Variants in MGA observed in about 807,000 individuals in gnomAD.
MGA encodes the protein MAX gene-associated protein.
Under a neutral mutation model 261.1 loss-of-function variants are expected in MGA, and 40 were observed. That is an observed-to-expected ratio of 0.15 (90% CI 0.12 to 0.20). The LOEUF (loss-of-function observed/expected upper bound fraction) is 0.20, where lower values mean the gene tolerates loss of function less well. MGA is among the 10% of genes least tolerant of loss of function. The pLI, the probability that MGA is intolerant of heterozygous loss-of-function variation, is 1.00. For synonymous variants in MGA, 1,302 were observed against 1,290.6 expected, an observed-to-expected ratio of 1.01 and a Z score of -0.19; for missense variants, 3,397 against 3,630.5, an observed-to-expected ratio of 0.94 and a Z score of 1.65.
At chr15:41,657,570 G>A (rs1183131177), upstream of MGA, among the ~76,000 whole-genome samples, 1 of 151,450 alleles carries the variant, frequency 6.6e-6, no homozygotes, top group Admixed American at 6.6e-5. Flanking sequence ...TGGCCAGACT[G>A]GTCTTGAACC....
Position 41,675,720 on chromosome 15 carries a change from C to T in MGA, c.1064+5762C>T, listed in dbSNP as rs141538564. 4.8e-3 allele frequency among the ~76,000 whole-genome samples: 729 copies of T among 152,192 alleles called. 7 individuals carry two copies. Among genetic ancestry groups the T allele is most frequent in the African/African-American group, 0.017 (706 of 41,508 alleles). On this transcript the variant is annotated intron_variant, in intron 2 of 23. Coordinates refer to ENST00000219905, the MANE Select transcript of MGA (RefSeq NM_001164273.2). ...CCATTAATGGATGACTGCTTATTTC[C>T]TGTAAGTAGAAATTCATCTTTGCCA...
chr15:41,710,698 T>C lies in MGA; in HGVS notation c.2433T>C (p.Asn811=). 1.9e-6 allele frequency: 3 copies of C among 1,596,832 alleles called. No homozygotes were observed. Among genetic ancestry groups the C allele is most frequent in the Non-Finnish European group, 2.6e-6 (3 of 1,173,202 alleles). The change falls in exon 8 of 24, where the codon AAT becomes AAC. Residue 811 remains asparagine, a synonymous_variant. Transcript: ENST00000219905. Reference sequence around the variant, plus strand: ...ATGTTTTCTTATTTCTAGGTGGAAATTCAGAAAGTTCACTGAAAAATCGTT... The same window carrying C: ...ATGTTTTCTTATTTCTAGGTGGAAACTCAGAAAGTTCACTGAAAAATCGTT...
intron 22 of MGA, among the ~76,000 whole-genome samples, chr15:41,763,920 G>T (rs1169437852): frequency 6.6e-6 from 1 of 152,128 alleles, no homozygotes; most frequent in Non-Finnish European, 1.5e-5. Context: ...CCCTTAGGGA[G>T]GCAGAGGCAG....
chr15:41,765,161 G>C, intron 23 of MGA, 99 bp downstream of exon 23: 1 of 1,354,746 alleles, frequency 7.4e-7, no homozygotes, highest in East Asian at 2.3e-5. Context: ...TAATGATAAA[G>C]AGCTATTCTG....
upstream of MGA, among the ~76,000 whole-genome samples, chr15:41,656,522 T>G (rs147171427): frequency 6.6e-6 from 1 of 151,512 alleles, no homozygotes; most frequent in Non-Finnish European, 1.5e-5. Context: ...TTTTTATTTT[T>G]ATTTTTATTT....
chr15:41,666,539 A>T (rs1334437308), intron 1 of MGA, among the ~76,000 whole-genome samples: 1 of 152,194 alleles, frequency 6.6e-6, no homozygotes, highest in Non-Finnish European at 1.5e-5. Context: ...TATGCAGTAG[A>T]CTCATGTAAA....
rs780475295 is a variant in MGA at position 41,743,167 on chromosome 15, G to A, written c.5207G>A (p.Arg1736Lys). The A allele has an allele frequency of 6.2e-7, 1 of 1,606,890 alleles. No individual in the cohort carries two copies. The highest frequency in any genetic ancestry group is 1.7e-5 in the Admixed American group (1 of 58,788). Residue 1736 changes from arginine (R) to lysine (K), a missense_variant, in exon 15 of 24, where the codon AGA (arginine) becomes AAA (lysine). Arg to Lys is a conservative substitution (Grantham distance 26). This residue lies in a region of MGA where 1,410 missense variants were observed against 1,386.4 expected (regional missense o/e 1.02). Transcript: ENST00000219905. ...AATGGGAGTCCACCAGTGAGCCAGA[G>A]ACCAGGTAAGGCCTAGATGTTACTA...
At chr15:41,635,086 C>T (rs755719779) in intron 1 of MGA, among the ~76,000 whole-genome samples, 3 of 151,896 alleles carry the variant, frequency 2.0e-5, no homozygotes, top group Non-Finnish European at 4.4e-5. Flanking sequence ...GTAATCCCAG[C>T]ACCTAGGGAG....
chr15:41,637,338 A>G (rs564428886), intron 1 of MGA, among the ~76,000 whole-genome samples: 5 of 152,302 alleles, frequency 3.3e-5, no homozygotes, highest in Middle Eastern at 3.4e-3. Flanking sequence ...GAATGTTGGA[A>G]GTTATTGATT....
At chr15:41,675,497 C>T (rs967081513) in intron 2 of MGA, among the ~76,000 whole-genome samples, 1 of 151,964 alleles carries the variant, frequency 6.6e-6, no homozygotes, top group South Asian at 2.1e-4. Context: ...TCTCAGCCTC[C>T]CTAGTAGCTG....
intron 2 of MGA, among the ~76,000 whole-genome samples, chr15:41,685,502 A>G (rs1226436233): frequency 1.3e-5 from 2 of 152,152 alleles, no homozygotes; most frequent in Non-Finnish European, 2.9e-5. Flanking sequence ...ACCCGCTGGA[A>G]TTGCCTTGAA....
Position 41,713,223 on chromosome 15 carries a change from C to G in MGA, c.3157C>G (p.Arg1053Gly). ...CCCTCCCTGCAACAATGACTTCTGTCGACTGGGTTGTGTATGTTCCAGTCT... is the reference window on the plus strand; with the variant it reads ...CCCTCCCTGCAACAATGACTTCTGTGGACTGGGTTGTGTATGTTCCAGTCT... The change falls in exon 9 of 24, where the codon CGA (arginine) becomes GGA (glycine). Residue 1053 changes from arginine to glycine, a missense_variant. By Grantham distance (125) the Arg-to-Gly change is moderately radical (BLOSUM62 -2). Coordinates refer to ENST00000219905, the MANE Select transcript of MGA (RefSeq NM_001164273.2). 6.2e-7 allele frequency: 1 copy of G among 1,614,002 alleles called. No individual in the cohort carries two copies. The highest frequency in any genetic ancestry group is 8.5e-7 in the Non-Finnish European group (1 of 1,179,898).
chr15:41,765,098 A>G lies in MGA; in HGVS notation c.7921+36A>G, dbSNP rs1036968463. On this transcript the variant is annotated intron_variant, in intron 23 of 23. Transcript: ENST00000219905. ...AGTGTTGTCCTCTATGGGAAGTGAT[A>G]AAGTTATCCCTAACATCTCACGGTG... is the stretch of plus-strand genomic sequence containing the variant. 8 of 1,603,626 alleles carry G rather than the reference A, an allele frequency of 5.0e-6. No individual in the cohort carries two copies. In the African/African-American group the frequency reaches 1.1e-4, roughly 21 times the overall value.
chr15:41,757,956 C>A, intron 19 of MGA, 117 bp downstream of exon 19: 1 of 770,666 alleles, frequency 1.3e-6, no homozygotes, highest in Non-Finnish European at 2.1e-6. Context: ...CTATTTTTGC[C>A]AGTGAGTTAA....
intron 1 of MGA, among the ~76,000 whole-genome samples, chr15:41,623,775 ATTTTT>A (rs202119156): frequency 0.57 from 63,389 of 110,332 alleles, 15,782 homozygotes; most frequent in East Asian, 0.84. Flanking sequence ...ATATATATAT[ATTTTT>A]TTTTTTTTTT....
chr15:41,729,507 C>T (rs886716220), intron 11 of MGA, among the ~76,000 whole-genome samples, 158 bp downstream of exon 11: 6 of 152,024 alleles, frequency 3.9e-5, no homozygotes, highest in Admixed American at 2.0e-4. Flanking sequence ...TTGTATGATA[C>T]GTCCCTTATG....
At chr15:41,704,470 A>G (rs2060007677) in intron 5 of MGA, among the ~76,000 whole-genome samples, 2 of 152,210 alleles carry the variant, frequency 1.3e-5, no homozygotes, top group Non-Finnish European at 2.9e-5. Context: ...CCATCCTGGT[A>G]ACACGGTGAA....
rs897573754 is a variant in MGA, at chr15:41,748,574, T to C, written c.5213-63T>C. ...GTGTCTTAAAAAATATTATGAATAC[T>C]TTTTTTTCCTACGTGTGTTAAAGGG... On this transcript the variant is annotated intron_variant, in intron 15 of 23. Coordinates refer to ENST00000219905, the MANE Select transcript of MGA (RefSeq NM_001164273.2). 49 of 1,497,462 alleles carry C rather than the reference T, an allele frequency of 3.3e-5. No homozygotes were observed. In the African/African-American group the frequency reaches 6.0e-4, roughly 18 times the overall value. 92.8% of individuals were successfully genotyped at this position (1,497,462 alleles called of 1,614,324 possible).
intron 2 of MGA, among the ~76,000 whole-genome samples, chr15:41,678,220 A>G (rs1372803771): frequency 1.3e-5 from 2 of 150,948 alleles, no homozygotes; most frequent in Non-Finnish European, 2.9e-5. Flanking sequence ...CCTCCTGAGT[A>G]GCTGGGATTA....
Sources: allele counts gnomAD v4.1 joint callset (sites outside exome capture counted in the v4.1 genomes callset), GRCh38; gene constraint gnomAD v4.1.1; regional missense constraint gnomAD v4.1.1; transcripts MANE v1.5; gene names NCBI Gene and HGNC (gene_info 2026-07-23, HGNC 2026-07-21).